Variants in TDRD12 observed in about 807,000 individuals in gnomAD.
TDRD12 encodes tudor domain containing 12, also known as putative ATP-dependent RNA helicase TDRD12.
In TDRD12, 158 loss-of-function variants were observed where a neutral mutation model predicts 133.5. The ratio of observed to expected loss-of-function variants is 1.18; its 90% confidence interval spans 1.04 to 1.35. The LOEUF (loss-of-function observed/expected upper bound fraction) is 1.35. Ranked by LOEUF, TDRD12 falls within the 40% of genes most tolerant of loss-of-function variation. The probability of loss-of-function intolerance (pLI) is 0.00; values close to 1 mark genes in which losing one functional copy is unlikely to be tolerated. For missense variants in TDRD12, 1,443 were observed against 1,321.3 expected (o/e 1.09, Z -1.43); for synonymous variants, 460 against 477.9 (o/e 0.96, Z 0.49).
intron 3 of TDRD12, among the ~76,000 whole-genome samples, chr19:32,741,974 T>A (rs1388497537): frequency 6.6e-6 from 1 of 152,194 alleles, no homozygotes; most frequent in East Asian, 1.9e-4. Flanking sequence ...AAAATCTCAG[T>A]CCTGCAGCTC....
intron 3 of TDRD12, 123 bp downstream of exon 3, chr19:32,739,115 TC>T: frequency 8.3e-7 from 1 of 1,198,160 alleles, no homozygotes. Context: ...AAACTGGAGT[TC>T]TTTAGCTTCC....
rs188677821 is a variant in TDRD12, at chr19:32,730,202, C to T, written c.25-1523C>T. Among the ~76,000 whole-genome samples, 469 of 152,288 alleles carry T rather than the reference C, an allele frequency of 3.1e-3. 2 individuals carry two copies. The highest frequency in any genetic ancestry group is 5.0e-3 in the Non-Finnish European group (337 of 68,024). ...TCTTATGCAGACTTTAGGGCTCCCCCTCTGTGGCTCTCCGTTTAGGAATTT... is the reference window on the plus strand; with the variant it reads ...TCTTATGCAGACTTTAGGGCTCCCCTTCTGTGGCTCTCCGTTTAGGAATTT... On this transcript the variant is annotated intron_variant, in intron 1 of 27. Coordinates refer to ENST00000444215, the Ensembl canonical transcript of TDRD12.
At chr19:32,776,717 C>T (rs533507589) in intron 10 of TDRD12, among the ~76,000 whole-genome samples, 5 of 152,226 alleles carry the variant, frequency 3.3e-5, no homozygotes, top group Non-Finnish European at 5.9e-5. Flanking sequence ...CTACTCCATC[C>T]TGTCCAGCAC....
exon 1 of TDRD12, chr19:32,719,952 G>A: frequency 7.8e-7 from 1 of 1,276,472 alleles, no homozygotes; most frequent in South Asian, 1.3e-5. Context: ...AGGCGCTAAA[G>A]GTGGAGGGAA....
At chr19:32,829,236 C>T (rs1393943910) in exon 10 of TDRD12, 1 of 152,244 alleles carries the variant, frequency 6.6e-6, no homozygotes, top group African/African-American at 2.4e-5. Context: ...CTCTTTCATA[C>T]AGCACAGCAA....
At chr19:32,769,837 T>C (rs1970396430) in intron 8 of TDRD12, among the ~76,000 whole-genome samples, 1 of 152,062 alleles carries the variant, frequency 6.6e-6, no homozygotes, top group African/African-American at 2.4e-5. Flanking sequence ...GGTTTGTCCA[T>C]GTTGATCAGG....
intron 5 of TDRD12, among the ~76,000 whole-genome samples, chr19:32,749,319 C>T (rs942636493): frequency 4.0e-5 from 6 of 149,624 alleles, no homozygotes; most frequent in African/African-American, 1.5e-4. Flanking sequence ...TGAGCCTGGT[C>T]TCCTCACCTG....
exon 1 of TDRD12, chr19:32,719,968 G>A: frequency 7.3e-7 from 1 of 1,375,076 alleles, no homozygotes; most frequent in South Asian, 1.3e-5. Flanking sequence ...GGGAAGGAAC[G>A]CACTCGCGGC....
chr19:32,797,130 A>G (rs1008341812), intron 14 of TDRD12, among the ~76,000 whole-genome samples: 2 of 151,728 alleles, frequency 1.3e-5, no homozygotes, highest in African/African-American at 4.8e-5. Flanking sequence ...ACAGGCACAC[A>G]CTACCACGCC....
intron 8 of TDRD12, among the ~76,000 whole-genome samples, chr19:32,758,258 G>T (rs1030238359): frequency 1.3e-5 from 2 of 152,214 alleles, no homozygotes; most frequent in African/African-American, 4.8e-5. Flanking sequence ...TTCTCTCTCA[G>T]TGTGTCCGGG....
At chr19:32,767,702 G>T (rs144267297) in intron 8 of TDRD12, among the ~76,000 whole-genome samples, 3 of 152,280 alleles carry the variant, frequency 2.0e-5, no homozygotes, top group African/African-American at 7.2e-5. Context: ...GGTGAAGGGG[G>T]TACAACTCAG....
intron 25 of TDRD12, 119 bp from the exon 26 acceptor site, chr19:32,815,329 G>A (rs1180253720): frequency 2.5e-5 from 20 of 796,742 alleles, no homozygotes; most frequent in Middle Eastern, 3.7e-4. Flanking sequence ...TGTGGCAAGC[G>A]CCGAAGTGCA....
In TDRD12 at chr19:32,757,083, G is replaced by A. The variant is rs1970016951; in HGVS notation, c.818G>A (p.Trp273Ter). ...CCGGCACAATCTCTGCAACATACAT[G>A]GTGCAAGGGTATTGTCGGTGACCTC... Residue 273 changes from tryptophan to a stop codon, truncating the protein, a stop_gained, in exon 8 of 28, where the codon TGG becomes TAG. Transcript: ENST00000444215. LOFTEE classifies it high-confidence loss of function. 6.4e-7 allele frequency: 1 copy of A among 1,551,820 alleles called. No individual in the cohort carries two copies. The highest frequency in any genetic ancestry group is 1.2e-5 in the South Asian group (1 of 84,054).
intron 3 of TDRD12, 68 bp from the exon 4 acceptor site, chr19:32,742,713 T>C (rs1047930471): frequency 7.7e-6 from 11 of 1,419,628 alleles, no homozygotes; most frequent in Non-Finnish European, 1.0e-5. Flanking sequence ...ATAAAATAGG[T>C]ATACTTTAAC....
chr19:32,719,835 C>T (rs1289898075), exon 1 of TDRD12: 1 of 581,776 alleles, frequency 1.7e-6, no homozygotes, highest in Admixed American at 3.0e-5. Flanking sequence ...GATCCCGCAG[C>T]GAGGGGCTGG....
chr19:32,794,375 G>A (rs1431734073), intron 13 of TDRD12, among the ~76,000 whole-genome samples: 12 of 152,024 alleles, frequency 7.9e-5, no homozygotes, highest in Non-Finnish European at 1.6e-4. Context: ...AAAGTGCTGG[G>A]ATTACAGGCA....
At chr19:32,799,346 T>C (rs59444172) in intron 16 of TDRD12, among the ~76,000 whole-genome samples, 11,031 of 152,218 alleles carry the variant, frequency 0.072, 703 homozygotes, top group East Asian at 0.24. Context: ...TGATGTGCAC[T>C]CCTGTCAGCC....
intron 1 of TDRD12, among the ~76,000 whole-genome samples, chr19:32,723,163 A>G (rs868068850): frequency 6.6e-6 from 1 of 152,176 alleles, no homozygotes; most frequent in Admixed American, 6.5e-5. Flanking sequence ...CTTATCAAAA[A>G]TCAATTGACT....
At chr19:32,727,909 C>A (rs899626999) in intron 1 of TDRD12, among the ~76,000 whole-genome samples, 1 of 152,174 alleles carries the variant, frequency 6.6e-6, no homozygotes, top group Non-Finnish European at 1.5e-5. Flanking sequence ...CTCAGGTGAT[C>A]TGCCTGCTTT....
Sources: allele counts gnomAD v4.1 joint callset (sites outside exome capture counted in the v4.1 genomes callset), GRCh38; gene constraint gnomAD v4.1.1; transcripts MANE v1.5; gene names NCBI Gene and HGNC (gene_info 2026-07-23, HGNC 2026-07-21).